YBX1: variants seen among roughly 807,000 people sequenced by gnomAD.
The protein encoded by YBX1 is Y-box-binding protein 1.
YBX1 carries 3 observed loss-of-function variants against 41.4 expected under a neutral mutation model. The observed-to-expected ratio is 0.07, with a 90% confidence interval of 0.03 to 0.19. YBX1 has a LOEUF of 0.19. Ranked by LOEUF, YBX1 falls within the 10% of genes least tolerant of loss-of-function variation. The pLI is 1.00. For missense variants in YBX1, 274 were observed against 462.8 expected (o/e 0.59, Z 3.74); for synonymous variants, 133 against 165.8 (o/e 0.80, Z 1.52).
Position 42,702,536 on chromosome 1 carries a change from A to G in YBX1, c.*587A>G, listed in dbSNP as rs1353405938. Among the ~76,000 whole-genome samples, 2 of 152,240 alleles carry G rather than the reference A, an allele frequency of 1.3e-5. No individual in the cohort carries two copies. Among genetic ancestry groups the G allele is most frequent in the East Asian group, 3.8e-4 (2 of 5,200 alleles). ...GCCCATACTAAAAATTAGAAAATAC[A>G]TACTCTGATAACCTGGCCATTTTTC... On this transcript the variant is annotated 3_prime_UTR_variant, in exon 8 of 8. Coordinates refer to ENST00000321358, the MANE Select transcript of YBX1 (RefSeq NM_004559.5).
chr1:42,683,218 C>T (rs546469528), intron 1 of YBX1, 185 bp from the exon 2 acceptor site: 10 of 738,268 alleles, frequency 1.4e-5, no homozygotes, highest in South Asian at 3.0e-5. Context: ...GCGCCCCGCG[C>T]TTCAGACTCA....
At position 42,703,709 on chromosome 1, in the gene YBX1, A is replaced by G. The variant is rs1451741020; in HGVS notation, c.*1760A>G. 6.6e-6 allele frequency among the ~76,000 whole-genome samples: 1 copy of G among 152,188 alleles called. No homozygotes were observed. On this transcript the variant is annotated 3_prime_UTR_variant, in exon 8 of 8. Transcript: ENST00000321358. The stretch of plus-strand genomic sequence containing the variant: ...TGGGGTTACGGTTTCTACTGAATCA[A>G]CATTGTTTTCATGGCATCACAGAGT...
At chr1:42,700,609 T>TCCC (rs5773785) in intron 6 of YBX1, among the ~76,000 whole-genome samples, 172 bp from the exon 7 acceptor site, 17 of 48,210 alleles carry the variant, frequency 3.5e-4, no homozygotes, top group African/African-American at 7.7e-4. Flanking sequence ...CTACTCAGCA[T>TCCC]CCCCCCCCCC....
rs1650657574 is a variant in YBX1 at position 42,703,428 on chromosome 1, C to G, written c.*1479C>G. Among the ~76,000 whole-genome samples, 1 of 151,928 alleles carries G rather than the reference C, an allele frequency of 6.6e-6. No individual in the cohort carries two copies. ...CCTGCAGTGCTGTGGAAGTCATCTC[C>G]TGCTTGGGACTAACTCTTTGCAGAG... On this transcript the variant is annotated 3_prime_UTR_variant, in exon 8 of 8. Transcript: ENST00000321358.
intron 6 of YBX1, among the ~76,000 whole-genome samples, chr1:42,697,942 C>G (rs774707601): frequency 6.6e-6 from 1 of 152,142 alleles, no homozygotes; most frequent in Non-Finnish European, 1.5e-5. Flanking sequence ...ATAGTTGTTT[C>G]TCTAAGGGTT....
intron 2 of YBX1, among the ~76,000 whole-genome samples, chr1:42,683,903 A>C (rs1056937587): frequency 6.6e-6 from 1 of 152,120 alleles, no homozygotes; most frequent in African/African-American, 2.4e-5. Flanking sequence ...ATTTGACTAT[A>C]TGAGGTTTTG....
chr1:42,685,614 A>G (rs1007480707), intron 2 of YBX1, among the ~76,000 whole-genome samples: 42 of 152,212 alleles, frequency 2.8e-4, no homozygotes, highest in Admixed American at 1.5e-3. Flanking sequence ...AGGGAGGGAG[A>G]CAGACTGACA....
intron 7 of YBX1, among the ~76,000 whole-genome samples, chr1:42,701,778 T>C (rs369330474): frequency 3.3e-5 from 5 of 152,198 alleles, no homozygotes; most frequent in Middle Eastern, 6.3e-3. Flanking sequence ...TTACATGATA[T>C]CGAGAGGTAC....
chr1:42,703,288 G>C lies in YBX1; in HGVS notation c.*1339G>C, dbSNP rs778466956. 7.2e-5 allele frequency among the ~76,000 whole-genome samples: 11 copies of C among 152,050 alleles called. No individual in the cohort carries two copies. The highest frequency in any genetic ancestry group is 1.5e-4 in the Non-Finnish European group (10 of 68,032). ...TTGGCTTGCTTTGTGAAATAGTCATGTAGTTGATAGTGACTGCTGCCCCGA... is the reference window on the plus strand; with the variant it reads ...TTGGCTTGCTTTGTGAAATAGTCATCTAGTTGATAGTGACTGCTGCCCCGA... On this transcript the variant is annotated 3_prime_UTR_variant, in exon 8 of 8. Coordinates refer to ENST00000321358, the MANE Select transcript of YBX1 (RefSeq NM_004559.5).
At chr1:42,700,261 G>T (rs1477617714) in intron 6 of YBX1, among the ~76,000 whole-genome samples, 2 of 152,132 alleles carry the variant, frequency 1.3e-5, no homozygotes, top group African/African-American at 4.8e-5. Flanking sequence ...GGAAAGGCCA[G>T]GAATCCATCA....
intron 7 of YBX1, among the ~76,000 whole-genome samples, chr1:42,701,323 T>C (rs979215661): frequency 2.0e-5 from 3 of 152,192 alleles, no homozygotes; most frequent in Admixed American, 6.5e-5. Context: ...CTATCAACTT[T>C]TCTGAATGAA....
At chr1:42,683,117 G>A in intron 1 of YBX1, 1 of 594,528 alleles carries the variant, frequency 1.7e-6, no homozygotes, top group Non-Finnish European at 3.1e-6. Context: ...GCCTACGCAG[G>A]CCGGAGCGGC....
intron 1 of YBX1, 107 bp downstream of exon 1, chr1:42,682,838 C>G (rs1010981009): frequency 1.6e-6 from 1 of 645,086 alleles, no homozygotes; most frequent in African/African-American, 1.9e-5. Flanking sequence ...GGCACCGACT[C>G]CGCGGCGCGC....
chr1:42,701,180 T>C, intron 7 of YBX1, 134 bp downstream of exon 7: 2 of 669,068 alleles, frequency 3.0e-6, no homozygotes, highest in South Asian at 2.1e-5. Flanking sequence ...TGTTCTGCCC[T>C]ATTCTTAATT....
Position 42,696,982 on chromosome 1 carries a change from C to G in YBX1, c.657+38C>G. On this transcript the variant is annotated intron_variant, in intron 5 of 7. Coordinates refer to ENST00000321358, the MANE Select transcript of YBX1 (RefSeq NM_004559.5). The surrounding 1 kb of genome is among the most constrained non-coding windows in gnomAD (Gnocchi z 5.7). ...ATCAACAACAGCAATGTGATAAGTT[C>G]TGGTAGGACTGTTTAGAGCTGTTAA... The G allele has an allele frequency of 6.6e-7, 1 of 1,522,452 alleles. No homozygotes were observed. Among genetic ancestry groups the G allele is most frequent in the Admixed American group, 2.2e-5 (1 of 45,222 alleles). The allele number at this position is 1,522,452 out of a possible 1,614,324, so 94.3% of individuals were successfully genotyped here.
Position 42,696,721 on chromosome 1 carries a change from A to G in YBX1, c.434A>G (p.Tyr145Cys), listed in dbSNP as rs1650468615. The change falls in exon 5 of 8, where the codon TAT (tyrosine) becomes TGT (cysteine). Residue 145 changes from tyrosine to cysteine, a missense_variant. This residue lies in a region of YBX1 where 187 missense variants were observed against 306.3 expected (regional missense o/e 0.61). Coordinates refer to ENST00000321358, the MANE Select transcript of YBX1 (RefSeq NM_004559.5). The surrounding 1 kb of genome is among the most constrained non-coding windows in gnomAD (Gnocchi z 5.7). ...AAATATGCAGCAGACCGTAACCATTATAGACGCTATCCACGTCGTAGGGGT... is the reference window on the plus strand; with the variant it reads ...AAATATGCAGCAGACCGTAACCATTGTAGACGCTATCCACGTCGTAGGGGT... The part of the protein sequence containing the change: ...GSKYAADRNH[Y>C]RRYPRRRGPP... 9.3e-6 allele frequency: 15 copies of G among 1,613,616 alleles called. No homozygotes were observed. Among genetic ancestry groups the G allele is most frequent in the Admixed American group, 1.7e-5 (1 of 59,966 alleles).
At chr1:42,699,427 C>G (rs542868902) in intron 6 of YBX1, among the ~76,000 whole-genome samples, 1 of 151,974 alleles carries the variant, frequency 6.6e-6, no homozygotes, top group Non-Finnish European at 1.5e-5. Flanking sequence ...CTCTGTGTTT[C>G]TAGCCATTTG....
intron 2 of YBX1, among the ~76,000 whole-genome samples, chr1:42,687,286 A>T (rs1650218582): frequency 6.6e-6 from 1 of 152,028 alleles, no homozygotes; most frequent in African/African-American, 2.4e-5. Context: ...TGCCTTTTTA[A>T]AGGGTGATTT....
At chr1:42,684,310 G>A (rs938193612) in intron 2 of YBX1, among the ~76,000 whole-genome samples, 11 of 152,224 alleles carry the variant, frequency 7.2e-5, no homozygotes, top group African/African-American at 2.4e-4. Flanking sequence ...CTTGTAAGCC[G>A]GGCATCATTT....
Sources: allele counts gnomAD v4.1 joint callset (sites outside exome capture counted in the v4.1 genomes callset), GRCh38; gene constraint gnomAD v4.1.1; regional missense constraint gnomAD v4.1.1; non-coding constraint Gnocchi (gnomAD v3.1); transcripts MANE v1.5; gene names NCBI Gene and HGNC (gene_info 2026-07-23, HGNC 2026-07-21).